The following SH3RF3 variants were observed in gnomAD, a reference collection of about 807,000 sequenced individuals.
SH3RF3 encodes the protein SH3 domain containing ring finger 3.
In SH3RF3, 29 loss-of-function variants were observed where a neutral mutation model predicts 66.3. The observed-to-expected ratio is 0.44, with a 90% CI of 0.33 to 0.60. The LOEUF (loss-of-function observed/expected upper bound fraction) is 0.60, where lower values mean the gene tolerates loss of function less well. Among genes scored for constraint, SH3RF3 ranks in the 20% least tolerant of loss-of-function variants. The probability of loss-of-function intolerance (pLI) is 0.04; values close to 1 mark genes in which losing one functional copy is unlikely to be tolerated. For synonymous variants in SH3RF3, 583 were observed against 532.0 expected (o/e 1.10, Z -1.32); for missense variants, 1,194 against 1,190.9 (o/e 1.00, Z -0.04).
At chr2:109,294,680 G>A (rs1437551845) in intron 1 of SH3RF3, among the ~76,000 whole-genome samples, 1 of 152,090 alleles carries the variant, frequency 6.6e-6, no homozygotes, top group Non-Finnish European at 1.5e-5. Context: ...GTGATGTGGT[G>A]ACGGGGCTGG....
chr2:109,169,746 A>G (rs574996028), intron 1 of SH3RF3, among the ~76,000 whole-genome samples: 17 of 132,394 alleles, frequency 1.3e-4, no homozygotes, highest in African/African-American at 5.2e-4. Flanking sequence ...TATGTATAAA[A>G]CAACCATACA....
chr2:109,458,572 C>CAGAGAGAGAGAGAGAGAG (rs70958708), intron 8 of SH3RF3, among the ~76,000 whole-genome samples: 1,811 of 122,992 alleles, frequency 0.015, 162 homozygotes, highest in East Asian at 0.043. Flanking sequence ...CAGCAGGAGA[C>CAGAGAGAGAGAGAGAGAG]AGAGAGAGAG....
intron 1 of SH3RF3, among the ~76,000 whole-genome samples, chr2:109,234,089 G>T (rs1393934195): frequency 6.6e-6 from 1 of 152,194 alleles, no homozygotes; most frequent in Non-Finnish European, 1.5e-5. Flanking sequence ...AGAATTGCTG[G>T]ATCATAAGGT....
At chr2:109,260,626 C>G (rs1204057084) in intron 1 of SH3RF3, among the ~76,000 whole-genome samples, 1 of 152,070 alleles carries the variant, frequency 6.6e-6, no homozygotes, top group Non-Finnish European at 1.5e-5. Context: ...GTGAGGTGGC[C>G]CATGGCTGAG....
intron 1 of SH3RF3, among the ~76,000 whole-genome samples, chr2:109,212,784 C>T (rs1390828062): frequency 6.6e-6 from 1 of 151,888 alleles, no homozygotes; most frequent in Non-Finnish European, 1.5e-5. Context: ...TTCCCTCTGC[C>T]CCTGGTATTT....
At chr2:109,256,587 A>C (rs371699466) in intron 1 of SH3RF3, among the ~76,000 whole-genome samples, 2 of 152,166 alleles carry the variant, frequency 1.3e-5, no homozygotes, top group East Asian at 3.9e-4. Context: ...TGCTAGGTGC[A>C]CTGGCCTGAG....
At chr2:109,397,817 T>C (rs567865566) in intron 3 of SH3RF3, among the ~76,000 whole-genome samples, 2 of 152,220 alleles carry the variant, frequency 1.3e-5, no homozygotes, top group Non-Finnish European at 2.9e-5. Flanking sequence ...CGGTTGCTCA[T>C]GGACTTGAAC....
chr2:109,220,441 C>T (rs535116399), intron 1 of SH3RF3, among the ~76,000 whole-genome samples: 6 of 152,134 alleles, frequency 3.9e-5, no homozygotes, highest in East Asian at 3.9e-4. Context: ...TTCATCAAAA[C>T]GCAAAAGTTT....
chr2:109,322,813 T>C (rs757244134), intron 1 of SH3RF3, among the ~76,000 whole-genome samples: 1 of 152,256 alleles, frequency 6.6e-6, no homozygotes, highest in Non-Finnish European at 1.5e-5. Context: ...TTCTGGTGCC[T>C]GCAAATCTCC....
At chr2:109,153,966 A>G (rs1027423346) in intron 1 of SH3RF3, among the ~76,000 whole-genome samples, 1 of 152,260 alleles carries the variant, frequency 6.6e-6, no homozygotes, top group South Asian at 2.1e-4. Flanking sequence ...ACGTGACCAC[A>G]GAGCATTAAG....
At chr2:109,203,083 A>G (rs972353101) in intron 1 of SH3RF3, among the ~76,000 whole-genome samples, 1 of 152,144 alleles carries the variant, frequency 6.6e-6, no homozygotes, top group Non-Finnish European at 1.5e-5. Context: ...AGCTCCGTCG[A>G]GCCTGGAACA....
At chr2:109,130,181 G>C (rs957683547) in intron 1 of SH3RF3, 68 bp downstream of exon 1, 2 of 1,238,382 alleles carry the variant, frequency 1.6e-6, no homozygotes, top group African/African-American at 3.1e-5. Flanking sequence ...TTGGGCGTGG[G>C]GGGCAGTGAT....
intron 9 of SH3RF3, among the ~76,000 whole-genome samples, chr2:109,492,823 C>T (rs1296622731): frequency 6.6e-6 from 1 of 152,072 alleles, no homozygotes; most frequent in East Asian, 1.9e-4. Context: ...AGCTTGTGGA[C>T]ATCGTGGGAC....
chr2:109,198,859 C>T (rs1213030538), intron 1 of SH3RF3, among the ~76,000 whole-genome samples: 1 of 152,202 alleles, frequency 6.6e-6, no homozygotes, highest in South Asian at 2.1e-4. Context: ...CAGGATGTGA[C>T]TATACTGAAC....
At chr2:109,451,935 G>A (rs1360001884) in intron 8 of SH3RF3, among the ~76,000 whole-genome samples, 2 of 152,172 alleles carry the variant, frequency 1.3e-5, no homozygotes, top group East Asian at 3.9e-4. Context: ...TTTTTGTGAG[G>A]CCCTCTGAGC....
chr2:109,357,706 T>C (rs183942011), intron 2 of SH3RF3, among the ~76,000 whole-genome samples: 1 of 152,354 alleles, frequency 6.6e-6, no homozygotes, highest in East Asian at 1.9e-4. Flanking sequence ...TAGGGCACTG[T>C]AGTTTGCTCA....
chr2:109,207,431 G>T (rs772029871), intron 1 of SH3RF3, among the ~76,000 whole-genome samples: 1 of 152,104 alleles, frequency 6.6e-6, no homozygotes, highest in African/African-American at 2.4e-5. Context: ...TGGCAGTTTC[G>T]ATTTTGAAAA....
intron 1 of SH3RF3, among the ~76,000 whole-genome samples, chr2:109,220,462 A>C (rs1465023645): frequency 1.3e-5 from 2 of 152,254 alleles, no homozygotes; most frequent in Admixed American, 1.3e-4. Context: ...TGTGCTTCAA[A>C]GGATACCATC....
intron 1 of SH3RF3, chr2:109,251,516 G>A: frequency 1.3e-6 from 1 of 743,722 alleles, no homozygotes; most frequent in East Asian, 2.6e-5. Context: ...GGAATATTGT[G>A]GTCATTTGGT....
Sources: gnomAD v4.1 joint callset for allele counts (sites outside exome capture counted in the v4.1 genomes callset) on GRCh38, gnomAD v4.1.1 for gene constraint, MANE v1.5 for transcripts, NCBI Gene and HGNC (gene_info 2026-07-23, HGNC 2026-07-21) for gene names.